The following CNOT2 variants were observed in gnomAD, a reference collection of about 807,000 sequenced individuals.
CNOT2 encodes CCR4-NOT transcription complex subunit 2, also known as CC chemokine receptor 4-negative regulator of transcription 2.
A neutral mutation model predicts 72.1 loss-of-function variants in CNOT2; 7 were observed. The observed-to-expected ratio is 0.10, with a 90% CI of 0.06 to 0.18. CNOT2 has a LOEUF of 0.18. Ranked by LOEUF, CNOT2 falls within the 10% of genes least tolerant of loss-of-function variation. The pLI is 1.00. For synonymous variants in CNOT2, 196 were observed against 225.6 expected, an observed-to-expected ratio of 0.87 and a Z score of 1.17; for missense variants, 345 against 660.3, an observed-to-expected ratio of 0.52 and a Z score of 5.23.
intron 2 of CNOT2, among the ~76,000 whole-genome samples, chr12:70,288,136 CTTTTT>C (rs68143994): frequency 3.3e-4 from 29 of 86,696 alleles, no homozygotes; most frequent in South Asian, 2.4e-3. Flanking sequence ...TGGTGTAGCT[CTTTTT>C]TTTTTTTTTT....
chr12:70,255,693 A>C (rs749417849), intron 1 of CNOT2, among the ~76,000 whole-genome samples: 2 of 152,208 alleles, frequency 1.3e-5, no homozygotes, highest in Non-Finnish European at 2.9e-5. Context: ...AGGCACTTAC[A>C]AGCAAAATAC....
In CNOT2 at chr12:70,346,316, G is replaced by A; in HGVS notation, c.1528G>A (p.Val510Ile). The change falls in exon 15 of 16, where the codon GTA (valine) becomes ATA (isoleucine). Residue 510 changes from valine to isoleucine, a missense_variant. Val to Ile is a conservative substitution (Grantham distance 29). Transcript: ENST00000229195. ...YFFDCLNWRK[V>I]AKEFHLEYDK... ...CTTTGACTGTCTTAACTGGAGGAAAGTAGCTAAGGTATATTTCTTTCCATG... is the reference window on the plus strand; with the variant it reads ...CTTTGACTGTCTTAACTGGAGGAAAATAGCTAAGGTATATTTCTTTCCATG... The A allele has an allele frequency of 6.2e-7, 1 of 1,611,400 alleles. No individual in the cohort carries two copies.
At chr12:70,290,709 T>C (rs951932079) in intron 2 of CNOT2, 3 of 152,174 alleles carry the variant, frequency 2.0e-5, no homozygotes, top group African/African-American at 7.2e-5. Flanking sequence ...TTTTTTCTTA[T>C]TAAAATTTTT....
chr12:70,278,918 C>T (rs1204139243), intron 2 of CNOT2, among the ~76,000 whole-genome samples: 1 of 152,062 alleles, frequency 6.6e-6, no homozygotes, highest in Admixed American at 6.5e-5. Flanking sequence ...AAAGATTGTG[C>T]TATTAAACAG....
At chr12:70,345,991 TAAG>T in intron 14 of CNOT2, 186 bp from the exon 15 acceptor site, 1 of 496,984 alleles carries the variant, frequency 2.0e-6, no homozygotes, top group South Asian at 3.4e-5. Flanking sequence ...CTGGACAAAT[TAAG>T]AAATATTTTT....
chr12:70,335,446 GA>G lies in CNOT2; in HGVS notation c.662del (p.Asn221MetfsTer2). 2 of 1,602,768 alleles carry G rather than the reference GA, an allele frequency of 1.2e-6. No homozygotes were observed. The highest frequency in any genetic ancestry group is 1.7e-6 in the Non-Finnish European group (2 of 1,170,228). On this transcript the variant is annotated frameshift_variant, in exon 8 of 16. Transcript: ENST00000229195. LOFTEE classifies it high-confidence loss of function. ...SNIFNGTDGSENVTGLDLSDF... is the reference protein window; with the variant it reads ...SNIFNGTDGSXNVTGLDLSDF... ...CCTTTCTTATTATTTAGACGGAAGTGAAAATGTGACAGGATTGGACCTTTCA... is the reference window on the plus strand; with the variant it reads ...CCTTTCTTATTATTTAGACGGAAGTGAAATGTGACAGGATTGGACCTTTCA...
intron 2 of CNOT2, among the ~76,000 whole-genome samples, chr12:70,286,315 A>T (rs1870888973): frequency 6.7e-6 from 1 of 148,674 alleles, no homozygotes; most frequent in Non-Finnish European, 1.5e-5. Context: ...CAGAATTAAA[A>T]TTTTTTTCCA....
intron 2 of CNOT2, among the ~76,000 whole-genome samples, chr12:70,299,055 T>G (rs1010096349): frequency 1.4e-4 from 22 of 152,126 alleles, no homozygotes; most frequent in African/African-American, 5.3e-4. Flanking sequence ...CTGGGTAGTT[T>G]ATAAGGGAAA....
chr12:70,251,100 C>G (rs1271209933), intron 1 of CNOT2, among the ~76,000 whole-genome samples: 6 of 152,108 alleles, frequency 3.9e-5, no homozygotes, highest in Non-Finnish European at 8.8e-5. Flanking sequence ...AATAATAAAA[C>G]CTATACTTTT....
At chr12:70,338,277 C>T in intron 9 of CNOT2, 166 bp from the exon 10 acceptor site, 1 of 559,540 alleles carries the variant, frequency 1.8e-6, no homozygotes, top group Non-Finnish European at 3.1e-6. Flanking sequence ...TATTTGTATA[C>T]CATGGAACAA....
At position 70,332,880 on chromosome 12, in the gene CNOT2, A is replaced by G. The variant is rs761053719; in HGVS notation, c.649+34A>G. The G allele has an allele frequency of 8.4e-6, 13 of 1,545,024 alleles. 1 individual carries two copies. In the East Asian group the frequency reaches 2.8e-4, roughly 33 times the overall value. On this transcript the variant is annotated intron_variant, in intron 7 of 15. Coordinates refer to ENST00000229195, the MANE Select transcript of CNOT2 (RefSeq NM_014515.7). ...ATTCTGGAGCTAGTACCCTACAAAAAGTATGATAGATTTATGAAATATAAA... is the reference window on the plus strand; with the variant it reads ...ATTCTGGAGCTAGTACCCTACAAAAGGTATGATAGATTTATGAAATATAAA...
At chr12:70,319,993 A>G (rs1488975936) in intron 4 of CNOT2, among the ~76,000 whole-genome samples, 1 of 151,680 alleles carries the variant, frequency 6.6e-6, no homozygotes, top group African/African-American at 2.4e-5. Context: ...AATGTTAGCT[A>G]TTATCACATA....
intron 2 of CNOT2, among the ~76,000 whole-genome samples, chr12:70,303,327 T>G (rs1191366287): frequency 2.0e-5 from 3 of 152,240 alleles, no homozygotes; most frequent in African/African-American, 7.2e-5. Context: ...GTCTTTACAA[T>G]TTGGCATGTT....
intron 15 of CNOT2, among the ~76,000 whole-genome samples, chr12:70,350,914 A>G (rs1193029069): frequency 6.6e-6 from 1 of 152,116 alleles, no homozygotes; most frequent in African/African-American, 2.4e-5. Context: ...ACATAACTAG[A>G]TCAGTGATTA....
At chr12:70,283,852 C>T (rs1261432199) in intron 2 of CNOT2, among the ~76,000 whole-genome samples, 2 of 150,632 alleles carry the variant, frequency 1.3e-5, no homozygotes, top group African/African-American at 4.9e-5. Context: ...CTTATAATTA[C>T]ATTTTTGATT....
intron 1 of CNOT2, among the ~76,000 whole-genome samples, chr12:70,261,428 C>A (rs1958754489): frequency 6.7e-6 from 1 of 148,928 alleles, no homozygotes; most frequent in Non-Finnish European, 1.5e-5. Context: ...CATTCTCCTG[C>A]CTCGGCCTCC....
chr12:70,248,005 G>A (rs1957965437), intron 1 of CNOT2, among the ~76,000 whole-genome samples: 1 of 152,190 alleles, frequency 6.6e-6, no homozygotes, highest in Non-Finnish European at 1.5e-5. Flanking sequence ...ATGGAATTAG[G>A]GAAGGATGTT....
At chr12:70,270,716 C>T (rs1255503644) in intron 1 of CNOT2, among the ~76,000 whole-genome samples, 4 of 152,100 alleles carry the variant, frequency 2.6e-5, no homozygotes, top group Admixed American at 2.6e-4. Context: ...GTATTCTGAG[C>T]ATTTATAGCT....
chr12:70,288,920 C>A (rs1169586357), intron 2 of CNOT2, among the ~76,000 whole-genome samples: 1 of 152,086 alleles, frequency 6.6e-6, no homozygotes, highest in Admixed American at 6.5e-5. Flanking sequence ...GTTTTATTAT[C>A]ATTCATAATG....
Sources: allele counts gnomAD v4.1 joint callset (sites outside exome capture counted in the v4.1 genomes callset), GRCh38; gene constraint gnomAD v4.1.1; transcripts MANE v1.5; gene names NCBI Gene and HGNC (gene_info 2026-07-23, HGNC 2026-07-21).